GMDS: variants seen among roughly 807,000 people sequenced by gnomAD.
GMDS encodes the protein GDP-mannose 4,6 dehydratase.
A neutral mutation model predicts 49.9 loss-of-function variants in GMDS; 20 were observed. The observed-to-expected ratio is 0.40, with a 90% CI of 0.28 to 0.58. The LOEUF is 0.58. GMDS is among the 20% of genes least tolerant of loss of function. The pLI is 0.42. For missense variants in GMDS, 362 were observed against 481.4 expected (o/e 0.75, Z 2.32); for synonymous variants, 177 against 178.6 (o/e 0.99, Z 0.07).
chr6:1,987,881 G>T (rs1765658214), intron 4 of GMDS, among the ~76,000 whole-genome samples: 1 of 151,956 alleles, frequency 6.6e-6, no homozygotes, highest in South Asian at 2.1e-4. Flanking sequence ...TGTGAGTCAG[G>T]GACTACTATT....
intron 9 of GMDS, among the ~76,000 whole-genome samples, chr6:1,650,264 C>T (rs559569374): frequency 3.9e-5 from 6 of 152,198 alleles, no homozygotes; most frequent in African/African-American, 1.4e-4. Flanking sequence ...TCATCTCCTG[C>T]CCATGGCTCT....
chr6:1,878,096 G>T (rs1216957741), intron 7 of GMDS, among the ~76,000 whole-genome samples: 1 of 152,014 alleles, frequency 6.6e-6, no homozygotes, highest in Non-Finnish European at 1.5e-5. Flanking sequence ...GGCAGATCAC[G>T]AAGTCAGGAG....
At chr6:1,843,131 A>AATAAAATAAAATAAC (rs1757221082) in intron 7 of GMDS, among the ~76,000 whole-genome samples, 1 of 151,372 alleles carries the variant, frequency 6.6e-6, no homozygotes, top group African/African-American at 2.4e-5. Flanking sequence ...AATAAAATAA[A>AATAAAATAAAATAAC]ATAAAATAAA....
At chr6:1,744,955 G>A (rs1208273436) in intron 7 of GMDS, among the ~76,000 whole-genome samples, 1 of 151,842 alleles carries the variant, frequency 6.6e-6, no homozygotes, top group Non-Finnish European at 1.5e-5. Flanking sequence ...GGGCGCACGA[G>A]TGTACCCGTG....
intron 4 of GMDS, among the ~76,000 whole-genome samples, chr6:2,002,007 T>C (rs1766847832): frequency 6.6e-6 from 1 of 152,190 alleles, no homozygotes; most frequent in African/African-American, 2.4e-5. Flanking sequence ...TTCATCAATT[T>C]GCTGGCTGAA....
At chr6:2,041,044 AAAGGAC>A (rs1259333162) in intron 4 of GMDS, among the ~76,000 whole-genome samples, 5 of 152,202 alleles carry the variant, frequency 3.3e-5, no homozygotes, top group Admixed American at 6.5e-5. Flanking sequence ...AATAGATGAG[AAAGGAC>A]ATTACTTTTT....
At chr6:1,761,645 G>A (rs982546354) in intron 7 of GMDS, among the ~76,000 whole-genome samples, 1 of 152,062 alleles carries the variant, frequency 6.6e-6, no homozygotes, top group Non-Finnish European at 1.5e-5. Flanking sequence ...CTAATTTAAT[G>A]TTGTATTTTT....
chr6:1,738,648 G>A (rs1037310671), intron 8 of GMDS, among the ~76,000 whole-genome samples: 2 of 152,156 alleles, frequency 1.3e-5, no homozygotes, highest in East Asian at 1.9e-4. Flanking sequence ...AGGACACAAA[G>A]CACAACAAGT....
intron 4 of GMDS, among the ~76,000 whole-genome samples, chr6:2,089,011 T>A (rs182338147): frequency 3.3e-5 from 5 of 152,338 alleles, no homozygotes; most frequent in Admixed American, 2.0e-4. Flanking sequence ...TGGGCAGCTA[T>A]TATGTGTAAA....
At chr6:2,181,858 T>C (rs920665608) in intron 1 of GMDS, among the ~76,000 whole-genome samples, 2 of 152,188 alleles carry the variant, frequency 1.3e-5, no homozygotes, top group Non-Finnish European at 2.9e-5. Context: ...ATGACCTCCA[T>C]GTGTTCAAGT....
At chr6:1,650,910 G>A (rs1485090787) in intron 9 of GMDS, among the ~76,000 whole-genome samples, 1 of 152,116 alleles carries the variant, frequency 6.6e-6, no homozygotes, top group East Asian at 1.9e-4. Flanking sequence ...TGACTCTTAA[G>A]ATTAAATGCT....
chr6:2,123,441 CACA>C (rs536524342), intron 2 of GMDS, among the ~76,000 whole-genome samples: 292 of 152,324 alleles, frequency 1.9e-3, no homozygotes, highest in African/African-American at 6.8e-3. Context: ...TCACTCGATA[CACA>C]ACAACATCAC....
intron 1 of GMDS, among the ~76,000 whole-genome samples, chr6:2,170,260 T>A: frequency 6.6e-6 from 1 of 152,104 alleles, no homozygotes; most frequent in East Asian, 1.9e-4. Flanking sequence ...CCATGCAATT[T>A]TAAGAGAATG....
chr6:2,074,741 A>G (rs1340364080), intron 4 of GMDS, among the ~76,000 whole-genome samples: 1 of 152,138 alleles, frequency 6.6e-6, no homozygotes, highest in Non-Finnish European at 1.5e-5. Flanking sequence ...TGGCCTCAAG[A>G]AATTCTCCTG....
chr6:1,793,625 T>C (rs1295695699), intron 7 of GMDS, among the ~76,000 whole-genome samples: 1 of 152,208 alleles, frequency 6.6e-6, no homozygotes, highest in Non-Finnish European at 1.5e-5. Flanking sequence ...ATATAGTTTA[T>C]TGTGAAGGCA....
intron 7 of GMDS, among the ~76,000 whole-genome samples, chr6:1,806,090 G>C (rs1254334125): frequency 6.6e-6 from 1 of 152,084 alleles, no homozygotes; most frequent in Non-Finnish European, 1.5e-5. Flanking sequence ...TCCAGCCTGG[G>C]CAACATAGTG....
chr6:2,127,913 C>T (rs1039169290), intron 1 of GMDS, among the ~76,000 whole-genome samples: 5 of 152,232 alleles, frequency 3.3e-5, no homozygotes, highest in African/African-American at 9.6e-5. Flanking sequence ...TAAGTTCTGA[C>T]GCTTGACTCC....
chr6:1,915,614 G>A (rs542140386), intron 7 of GMDS, among the ~76,000 whole-genome samples: 132 of 152,332 alleles, frequency 8.7e-4, no homozygotes, highest in African/African-American at 2.4e-3. Flanking sequence ...TCAGAAAGGC[G>A]ACTCTGGCAG....
intron 6 of GMDS, among the ~76,000 whole-genome samples, chr6:1,931,962 G>T (rs1246413615): frequency 2.6e-5 from 4 of 152,182 alleles, no homozygotes; most frequent in Non-Finnish European, 4.4e-5. Flanking sequence ...TCACAGAGAG[G>T]GTCAGGTGGG....
Sources: gnomAD v4.1 joint callset for allele counts (sites outside exome capture counted in the v4.1 genomes callset) on GRCh38, gnomAD v4.1.1 for gene constraint, MANE v1.5 for transcripts, NCBI Gene and HGNC (gene_info 2026-07-23, HGNC 2026-07-21) for gene names.